TMTC1: variants seen among roughly 807,000 people sequenced by gnomAD.
The protein encoded by TMTC1 is transmembrane O-mannosyltransferase targeting cadherins 1.
A neutral mutation model predicts 104.8 loss-of-function variants in TMTC1; 73 were observed. That is an observed-to-expected ratio of 0.70 (90% CI 0.58 to 0.85). The LOEUF (loss-of-function observed/expected upper bound fraction) is 0.85, where lower values mean the gene tolerates loss of function less well. TMTC1 is among the 40% of genes least tolerant of loss of function. The pLI is 0.00. For synonymous variants in TMTC1, 434 were observed against 428.7 expected, an observed-to-expected ratio of 1.01 and a Z score of -0.15; for missense variants, 1,035 against 1,096.1, an observed-to-expected ratio of 0.94 and a Z score of 0.79.
chr12:29,660,158 T>A (rs1056245867), intron 5 of TMTC1, among the ~76,000 whole-genome samples: 1 of 152,238 alleles, frequency 6.6e-6, no homozygotes, highest in Non-Finnish European at 1.5e-5. Flanking sequence ...ACCTTACCTC[T>A]GTTCTGGACC....
In TMTC1 at chr12:29,633,203, T is replaced by C. The variant is rs1162205456; in HGVS notation, c.1072A>G (p.Ile358Val). The C allele has an allele frequency of 6.2e-7, 1 of 1,613,922 alleles. No individual in the cohort carries two copies. Among genetic ancestry groups the C allele is most frequent in the African/African-American group, 1.3e-5 (1 of 74,882 alleles). ...TIWDMRNLAT[I>V]FLAVVMALLS... ...AAGGCCATCACAACCGCCAGAAAGATGGTGGCTAAGTTCCGCATGTCCCAT... is the reference window on the plus strand; with the variant it reads ...AAGGCCATCACAACCGCCAGAAAGACGGTGGCTAAGTTCCGCATGTCCCAT... Residue 358 changes from isoleucine to valine, a missense_variant, in exon 6 of 18, where the codon ATC becomes GTC. Transcript: ENST00000539277.
intron 5 of TMTC1, chr12:29,666,102 C>A: frequency 2.5e-6 from 1 of 398,002 alleles, no homozygotes; most frequent in South Asian, 1.8e-5. Context: ...GTTTTCCTTA[C>A]AGTGCTTTAA....
chr12:29,586,819 C>T (rs967462842), intron 7 of TMTC1, among the ~76,000 whole-genome samples: 2 of 150,616 alleles, frequency 1.3e-5, no homozygotes, highest in Non-Finnish European at 2.9e-5. Context: ...TTTTGATGTG[C>T]TGCTGGATTC....
intron 11 of TMTC1, among the ~76,000 whole-genome samples, chr12:29,525,290 C>A (rs1025748253): frequency 1.8e-4 from 27 of 147,756 alleles, no homozygotes; most frequent in Admixed American, 1.7e-3. Context: ...TCAGGCGATT[C>A]TCCTGCCTCA....
At chr12:29,706,949 G>A (rs1190224056) in intron 5 of TMTC1, among the ~76,000 whole-genome samples, 1 of 152,180 alleles carries the variant, frequency 6.6e-6, no homozygotes, top group Non-Finnish European at 1.5e-5. Context: ...ATTGAAAGCA[G>A]CAAGTGGAAA....
At chr12:29,585,820 A>G (rs1005198822) in intron 7 of TMTC1, among the ~76,000 whole-genome samples, 2 of 152,118 alleles carry the variant, frequency 1.3e-5, no homozygotes, top group African/African-American at 2.4e-5. Context: ...GTACCAGTAC[A>G]ATGCTGTTTT....
In TMTC1 at chr12:29,558,493, C is replaced by A. The variant is rs979463546; in HGVS notation, c.1533-1493G>T. On this transcript the variant is annotated intron_variant, in intron 9 of 17. Transcript: ENST00000539277. ...GACCCTTCGCTACTCCCTTACAGAA[C>A]AGCTATAAACATCCCTCAGAACTAA... Among the ~76,000 whole-genome samples the A allele has an allele frequency of 2.6e-5, 4 of 152,326 alleles. 1 individual carries two copies. Among genetic ancestry groups the A allele is most frequent in the Middle Eastern group, 6.8e-3 (2 of 294 alleles).
intron 7 of TMTC1, among the ~76,000 whole-genome samples, chr12:29,592,150 A>C (rs1354657884): frequency 3.9e-5 from 6 of 152,260 alleles, no homozygotes; most frequent in African/African-American, 1.4e-4. Flanking sequence ...AAATAGCATT[A>C]TTAATACAAG....
rs1257455299 is a variant in TMTC1, at chr12:29,501,794, T to A, written c.*5052A>T. The A allele has an allele frequency of 6.6e-6, 1 of 152,190 alleles. No homozygotes were observed. Among genetic ancestry groups the A allele is most frequent in the Non-Finnish European group, 1.5e-5 (1 of 68,032 alleles). The allele number at this position is 152,190 out of a possible 1,614,324, so 9.4% of individuals were successfully genotyped here. On this transcript the variant is annotated 3_prime_UTR_variant, in exon 18 of 18. Coordinates refer to ENST00000539277, the MANE Select transcript of TMTC1 (RefSeq NM_001193451.2). ...AGTTACAGGCCCTAAAGATTTTAAT[T>A]GAAAAGATCAATTAAAATCAATATT...
At chr12:29,732,080 A>T (rs12317484) in intron 5 of TMTC1, among the ~76,000 whole-genome samples, 258 of 152,292 alleles carry the variant, frequency 1.7e-3, no homozygotes, top group African/African-American at 5.9e-3. Flanking sequence ...ACTTTTTTTT[A>T]AAAGACCCTA....
chr12:29,623,375 G>A (rs1341749465), intron 6 of TMTC1, among the ~76,000 whole-genome samples: 1 of 152,186 alleles, frequency 6.6e-6, no homozygotes, highest in African/African-American at 2.4e-5. Context: ...AATGCATTAG[G>A]AAAGAGTATG....
chr12:29,696,401 A>C, intron 5 of TMTC1, among the ~76,000 whole-genome samples: 1 of 152,232 alleles, frequency 6.6e-6, no homozygotes, highest in East Asian at 1.9e-4. Context: ...ATGTGACAAG[A>C]ATTCCAAAAC....
intron 5 of TMTC1, among the ~76,000 whole-genome samples, chr12:29,746,399 C>A (rs771990682): frequency 2.6e-5 from 4 of 152,162 alleles, no homozygotes; most frequent in Non-Finnish European, 5.9e-5. Context: ...CTGTCACCTG[C>A]AAATCTCATA....
intron 10 of TMTC1, among the ~76,000 whole-genome samples, chr12:29,550,917 G>A (rs185229091): frequency 8.7e-6 from 1 of 115,004 alleles, no homozygotes; most frequent in African/African-American, 3.4e-5. Flanking sequence ...CTGGGGGAGA[G>A]AGTGGGACTC....
intron 2 of TMTC1, among the ~76,000 whole-genome samples, chr12:29,761,737 T>C (rs771406234): frequency 6.6e-6 from 1 of 152,184 alleles, no homozygotes; most frequent in Admixed American, 6.5e-5. Flanking sequence ...ACAGGAATAG[T>C]ATCACCCACG....
chr12:29,514,716 G>T, intron 15 of TMTC1, 112 bp from the exon 16 acceptor site: 1 of 1,183,670 alleles, frequency 8.4e-7, no homozygotes, highest in Non-Finnish European at 1.2e-6. Context: ...TATGGTATGT[G>T]ACAATCAAAG....
At chr12:29,522,869 A>G (rs1944219305) in intron 11 of TMTC1, among the ~76,000 whole-genome samples, 1 of 152,198 alleles carries the variant, frequency 6.6e-6, no homozygotes, top group Non-Finnish European at 1.5e-5. Flanking sequence ...GGTTGTTTTG[A>G]GGATTAAATC....
intron 5 of TMTC1, among the ~76,000 whole-genome samples, chr12:29,674,706 C>T (rs575965338): frequency 3.7e-4 from 56 of 152,276 alleles, no homozygotes; most frequent in Middle Eastern, 6.8e-3. Context: ...TGTTCAACGA[C>T]CTGTGGTGCC....
intron 7 of TMTC1, among the ~76,000 whole-genome samples, chr12:29,601,105 C>G (rs892442735): frequency 6.6e-6 from 1 of 152,082 alleles, no homozygotes; most frequent in Non-Finnish European, 1.5e-5. Context: ...CAGCCTATTC[C>G]TAGAGGAAAA....
Sources: gnomAD v4.1 joint callset for allele counts (sites outside exome capture counted in the v4.1 genomes callset) on GRCh38, gnomAD v4.1.1 for gene constraint, MANE v1.5 for transcripts, NCBI Gene and HGNC (gene_info 2026-07-23, HGNC 2026-07-21) for gene names.